MEGF11: variants seen among roughly 807,000 people sequenced by gnomAD.
The protein encoded by MEGF11 is multiple epidermal growth factor-like domains protein 11.
In MEGF11, 126 loss-of-function variants were observed where a neutral mutation model predicts 146.6. The observed-to-expected ratio is 0.86, with a 90% CI of 0.74 to 1.00. The LOEUF is 1.00. Ranked by LOEUF, MEGF11 falls within the 50% of genes least tolerant of loss-of-function variation. The pLI is 0.00. For synonymous variants in MEGF11, 532 were observed against 583.4 expected, an observed-to-expected ratio of 0.91 and a Z score of 1.27; for missense variants, 1,509 against 1,521.2, an observed-to-expected ratio of 0.99 and a Z score of 0.13.
At chr15:65,899,805 T>C (rs1465978030) in intron 24 of MEGF11, among the ~76,000 whole-genome samples, 1 of 152,228 alleles carries the variant, frequency 6.6e-6, no homozygotes, top group East Asian at 1.9e-4. Flanking sequence ...AGTATCTTTC[T>C]GATACTAGAG....
At chr15:65,943,650 G>A (rs946623018) in intron 10 of MEGF11, among the ~76,000 whole-genome samples, 2 of 152,168 alleles carry the variant, frequency 1.3e-5, no homozygotes, top group Non-Finnish European at 1.5e-5. Context: ...CACCCCCTAC[G>A]TGATCCATGT....
intron 1 of MEGF11, among the ~76,000 whole-genome samples, chr15:66,250,496 T>C (rs1027984065): frequency 1.3e-5 from 2 of 152,226 alleles, no homozygotes; most frequent in Admixed American, 1.3e-4. Flanking sequence ...CATTGCTGTA[T>C]CCCAAGGGCC....
intron 1 of MEGF11, among the ~76,000 whole-genome samples, chr15:66,179,072 G>T (rs2090469875): frequency 1.1e-5 from 1 of 92,094 alleles, no homozygotes; most frequent in South Asian, 3.0e-4. Context: ...CTCAAAACAG[G>T]GTCAATCTGT....
intron 5 of MEGF11, among the ~76,000 whole-genome samples, chr15:65,989,538 A>C (rs1430552526): frequency 6.6e-6 from 1 of 152,252 alleles, no homozygotes; most frequent in African/African-American, 2.4e-5. Context: ...GCAGAGATGG[A>C]GCAGCAGCCG....
intron 5 of MEGF11, among the ~76,000 whole-genome samples, chr15:66,042,434 AGGGGAC>A (rs1401060094): frequency 6.6e-6 from 1 of 152,138 alleles, no homozygotes; most frequent in Non-Finnish European, 1.5e-5. Flanking sequence ...TTCATTACCC[AGGGGAC>A]GTCAGAGCTG....
At chr15:65,949,910 T>G (rs528848951) in intron 10 of MEGF11, among the ~76,000 whole-genome samples, 72 of 152,300 alleles carry the variant, frequency 4.7e-4, no homozygotes, top group Non-Finnish European at 6.8e-4. Context: ...GAAATCAGCC[T>G]TCTTCCCCCG....
At chr15:65,941,568 G>A (rs2079992694) in intron 10 of MEGF11, among the ~76,000 whole-genome samples, 1 of 152,210 alleles carries the variant, frequency 6.6e-6, no homozygotes, top group Non-Finnish European at 1.5e-5. Flanking sequence ...GGACTCAGTT[G>A]CAGTTCTTGT....
chr15:66,209,307 G>A (rs1182057864), intron 1 of MEGF11, among the ~76,000 whole-genome samples: 4 of 151,754 alleles, frequency 2.6e-5, no homozygotes, highest in East Asian at 1.9e-4. Context: ...CCAAGATCGC[G>A]CCACTGCACT....
intron 1 of MEGF11, among the ~76,000 whole-genome samples, chr15:66,190,242 T>C (rs2090833227): frequency 6.6e-6 from 1 of 152,168 alleles, no homozygotes; most frequent in South Asian, 2.1e-4. Context: ...GGATTTAGGG[T>C]AGACACTAAA....
chr15:66,130,730 G>GAGGGAGGAAGGAGGGA (rs56371892), intron 1 of MEGF11, among the ~76,000 whole-genome samples: 1 of 140,980 alleles, frequency 7.1e-6, no homozygotes. Context: ...AAGAGGGAGG[G>GAGGGAGGAAGGAGGGA]AGGAAGGAAG....
intron 3 of MEGF11, among the ~76,000 whole-genome samples, chr15:66,123,690 C>T (rs1278401047): frequency 6.6e-6 from 1 of 152,168 alleles, no homozygotes; most frequent in South Asian, 2.1e-4. Flanking sequence ...GAGGGATGCC[C>T]TCAAGAGCAT....
chr15:66,246,926 C>T (rs947594664), intron 1 of MEGF11, among the ~76,000 whole-genome samples: 2 of 152,170 alleles, frequency 1.3e-5, no homozygotes, highest in African/African-American at 4.8e-5. Context: ...GAGGGAGTCA[C>T]TGCGGCCTCC....
chr15:66,047,963 T>TC (rs2084283756), intron 5 of MEGF11, among the ~76,000 whole-genome samples: 1 of 150,718 alleles, frequency 6.6e-6, no homozygotes, highest in Admixed American at 6.6e-5. Context: ...GTTTTTTTTT[T>TC]TTCTTTTTTG....
chr15:65,913,486 A>T, intron 20 of MEGF11: 2 of 583,116 alleles, frequency 3.4e-6, no homozygotes, highest in South Asian at 4.2e-5. Context: ...TGAGAAGGAT[A>T]GGGAAGCTCT....
chr15:66,231,249 G>C (rs948323763), intron 1 of MEGF11, among the ~76,000 whole-genome samples: 3 of 151,816 alleles, frequency 2.0e-5, no homozygotes, highest in African/African-American at 7.3e-5. Context: ...CCCAAGGCAG[G>C]ACTTTCCAGA....
chr15:66,156,656 C>T (rs945128701), intron 1 of MEGF11, among the ~76,000 whole-genome samples: 3 of 152,230 alleles, frequency 2.0e-5, no homozygotes, highest in East Asian at 3.9e-4. Context: ...GCACCCTGTC[C>T]GTGCCCCCTT....
At chr15:65,913,187 T>G (rs1005641912) in intron 20 of MEGF11, among the ~76,000 whole-genome samples, 1 of 152,160 alleles carries the variant, frequency 6.6e-6, no homozygotes, top group Admixed American at 6.5e-5. Context: ...CATTCATGGA[T>G]GCACTGGGCT....
chr15:65,946,199 A>C lies in MEGF11; in HGVS notation c.1287+11348T>G, dbSNP rs532356791. Among the ~76,000 whole-genome samples the C allele has an allele frequency of 3.9e-5, 6 of 152,314 alleles. No homozygotes were observed. In the Middle Eastern group the frequency reaches 0.01, roughly 259 times the overall value. ...CTATGATTTACCTACTCTGTGCCAA[A>C]CACTTTTGTAGAGCTTGCCCTGTCT... On this transcript the variant is annotated intron_variant, in intron 10 of 25. Transcript: ENST00000395614.
chr15:65,967,671 G>A (rs994574820), intron 8 of MEGF11, among the ~76,000 whole-genome samples: 4 of 152,116 alleles, frequency 2.6e-5, no homozygotes, highest in Non-Finnish European at 5.9e-5. Flanking sequence ...TGAGACTGGG[G>A]TGTCCTTGTC....
Sources: gnomAD v4.1 joint callset for allele counts (sites outside exome capture counted in the v4.1 genomes callset) on GRCh38, gnomAD v4.1.1 for gene constraint, MANE v1.5 for transcripts, NCBI Gene and HGNC (gene_info 2026-07-23, HGNC 2026-07-21) for gene names.